The following RDH8 variants were observed in gnomAD, a reference collection of about 807,000 sequenced individuals.
The protein encoded by RDH8 is retinol dehydrogenase 8.
Under a neutral mutation model 22.3 loss-of-function variants are expected in RDH8, and 14 were observed. The ratio of observed to expected loss-of-function variants is 0.63; its 90% CI spans 0.42 to 0.98. The LOEUF (loss-of-function observed/expected upper bound fraction) is 0.98, where lower values mean the gene tolerates loss of function less well. Ranked by LOEUF, RDH8 falls within the 50% of genes least tolerant of loss-of-function variation. The pLI, the probability that RDH8 is intolerant of heterozygous loss-of-function variation, is 0.00. For synonymous variants in RDH8, 175 were observed against 171.7 expected, an observed-to-expected ratio of 1.02 and a Z score of -0.15; for missense variants, 389 against 409.8, an observed-to-expected ratio of 0.95 and a Z score of 0.44.
In RDH8 at chr19:10,021,733, G is replaced by A. The variant is rs147926405; in HGVS notation, c.920G>A (p.Arg307Gln). Residue 307 changes from arginine to glutamine, a missense_variant, in exon 6 of 6, where the codon CGG becomes CAG. Physicochemically the swap from Arg to Gln is conservative, Grantham distance 43. Transcript: ENST00000591589. ...CTGTCCTGCGGCTGCCTCCCAACGC[G>A]GGTGCGGCCAAGATGAGCAGAACAG... ...QCLSCGCLPT[R>Q]VRPR The A allele has an allele frequency of 1.9e-4, 305 of 1,613,648 alleles. 1 individual carries two copies. Among genetic ancestry groups the A allele is most frequent in the Non-Finnish European group, 2.5e-4 (295 of 1,180,022 alleles).
chr19:10,013,489 G>C lies in RDH8; in HGVS notation c.-9G>C, dbSNP rs1241666120. ...CGGCGGAGGTCACGAGTCCAGGGAG[G>C]GGATCAACATGGCCGCTGCACCCCG... On this transcript the variant is annotated 5_prime_UTR_variant, in exon 1 of 6. Coordinates refer to ENST00000591589, the MANE Select transcript of RDH8 (RefSeq NM_015725.4). 2.5e-6 allele frequency: 4 copies of C among 1,611,942 alleles called. No individual in the cohort carries two copies. Among genetic ancestry groups the C allele is most frequent in the Non-Finnish European group, 3.4e-6 (4 of 1,180,008 alleles).
At chr19:10,016,774 TTTATC>T (rs1295347824) in intron 1 of RDH8, among the ~76,000 whole-genome samples, 4 of 152,172 alleles carry the variant, frequency 2.6e-5, no homozygotes, top group Non-Finnish European at 4.4e-5. Context: ...ACCTGGTGAC[TTTATC>T]TTATTTCATG....
chr19:10,015,394 AG>A (rs1568440798), intron 1 of RDH8, among the ~76,000 whole-genome samples: 2 of 152,002 alleles, frequency 1.3e-5, no homozygotes, highest in African/African-American at 4.8e-5. Context: ...TGGAGCTTGC[AG>A]TGAGTCGAGA....
rs1196274259 is a variant in RDH8, at chr19:10,022,039, G to T, written c.*290G>T. ...CAAGGGAGGCTTCCTGGAGGAAGCG[G>T]CATTGTTATGAGCCTTGAAGGAAGA... On this transcript the variant is annotated 3_prime_UTR_variant, in exon 6 of 6. Coordinates refer to ENST00000591589, the MANE Select transcript of RDH8 (RefSeq NM_015725.4). The T allele has an allele frequency of 2.3e-6, 1 of 433,800 alleles. No homozygotes were observed. The highest frequency in any genetic ancestry group is 4.2e-6 in the Non-Finnish European group (1 of 239,110). 26.9% of individuals were successfully genotyped at this position (433,800 alleles called of 1,614,324 possible).
intron 3 of RDH8, among the ~76,000 whole-genome samples, chr19:10,020,331 AAGGAAGGAAGGAGGGAGGGAGGGAGGG>A (rs1335709345): frequency 8.9e-6 from 1 of 112,350 alleles, no homozygotes; most frequent in Non-Finnish European, 1.8e-5. Flanking sequence ...AGAGAGAGAG[AAGGAAGGAAGGAGGGAGGGAGGGAGGG>A]AGGAAGGAAG....
chr19:10,022,022 G>T lies in RDH8; in HGVS notation c.*273G>T, dbSNP rs529589448. The stretch of plus-strand genomic sequence containing the variant: ...AGCTGTCTCTGGGAAAGCAAGGGAG[G>T]CTTCCTGGAGGAAGCGGCATTGTTA... On this transcript the variant is annotated 3_prime_UTR_variant, in exon 6 of 6. Transcript: ENST00000591589. The T allele has an allele frequency of 1.7e-5, 8 of 483,354 alleles. No individual in the cohort carries two copies. In the Admixed American group the frequency reaches 1.8e-4, roughly 11 times the overall value. The allele number at this position is 483,354 out of a possible 1,614,324, so 29.9% of individuals were successfully genotyped here. A position where few individuals can be genotyped will look rare whatever the true frequency, so the allele number is the denominator to read the frequency against.
At chr19:10,016,825 T>C (rs1261886315) in intron 1 of RDH8, among the ~76,000 whole-genome samples, 1 of 152,130 alleles carries the variant, frequency 6.6e-6, no homozygotes, top group East Asian at 1.9e-4. Flanking sequence ...GCATAGTGTA[T>C]AGTAGATGCT....
At chr19:10,015,077 G>A (rs554941635) in intron 1 of RDH8, among the ~76,000 whole-genome samples, 27 of 152,334 alleles carry the variant, frequency 1.8e-4, no homozygotes, top group African/African-American at 6.3e-4. Flanking sequence ...GGGTGATTAT[G>A]GGTGCACACA....
intron 1 of RDH8, among the ~76,000 whole-genome samples, chr19:10,016,090 T>C (rs1280304508): frequency 6.6e-6 from 1 of 151,746 alleles, no homozygotes; most frequent in African/African-American, 2.4e-5. Flanking sequence ...TCTTACCTAC[T>C]AGGCTATAAA....
intron 1 of RDH8, among the ~76,000 whole-genome samples, chr19:10,013,828 C>A (rs3786701): frequency 6.6e-6 from 1 of 151,842 alleles, no homozygotes; most frequent in Non-Finnish European, 1.5e-5. Context: ...GCCCTCAGGA[C>A]GGGTGTCATG....
chr19:10,021,190 AT>A (rs2145169540), intron 4 of RDH8, 64 bp from the exon 5 acceptor site: 4 of 1,439,294 alleles, frequency 2.8e-6, no homozygotes, highest in Non-Finnish European at 3.8e-6. Flanking sequence ...AAAAAAAAAA[AT>A]GGACAAAATA....
Position 10,018,879 on chromosome 19 carries a change from C to T in RDH8, c.411C>T (p.Ile137=), listed in dbSNP as rs2233795. The change falls in exon 3 of 6, where the codon ATC becomes ATT. Residue 137 remains isoleucine (I), a synonymous_variant. Coordinates refer to ENST00000591589, the MANE Select transcript of RDH8 (RefSeq NM_015725.4). ...PGMKRRRQGH[I]VVISSVMGLQ... ...TGAAGAGGAGGCGGCAGGGCCACAT[C>T]GTGGTGATCAGCAGTGTCATGGGCC... 4,361 of 1,612,906 alleles carry T rather than the reference C, an allele frequency of 2.7e-3. 106 individuals carry two copies. In the African/African-American group the frequency reaches 0.051, roughly 19 times the overall value.
At chr19:10,020,973 A>G in intron 4 of RDH8, 171 bp downstream of exon 4, 1 of 652,784 alleles carries the variant, frequency 1.5e-6, no homozygotes, top group African/African-American at 1.8e-5. Context: ...GGCATTTGAG[A>G]CCAGCCTGGG....
rs2087658027 is a variant in RDH8 at position 10,021,429 on chromosome 19, C to T, written c.711C>T (p.Asp237=). The change falls in exon 5 of 6, where the codon GAC becomes GAT. Residue 237 remains aspartate (D), a synonymous_variant. Coordinates refer to ENST00000591589, the MANE Select transcript of RDH8 (RefSeq NM_015725.4). ...LFCSVGQNPQ[D]VVQAIVNVIS... is the part of the protein sequence containing the mutation. ...GCTCCGTGGGACAGAACCCACAGGA[C>T]GTGGTTCAGGTGAGTGAAGGGCCCA... The T allele has an allele frequency of 3.7e-6, 6 of 1,614,104 alleles. No homozygotes were observed. Among genetic ancestry groups the T allele is most frequent in the African/African-American group, 1.3e-5 (1 of 75,012 alleles).
chr19:10,019,555 T>G lies in RDH8; in HGVS notation c.442+645T>G, dbSNP rs560198676. Reference sequence around the variant, plus strand: ...GACTCATGCCTGTAATCCCAACACTTTGGGAGGCCGAGGCAGGTGGATTAC... The same window carrying G: ...GACTCATGCCTGTAATCCCAACACTGTGGGAGGCCGAGGCAGGTGGATTAC... On this transcript the variant is annotated intron_variant, in intron 3 of 5. Transcript: ENST00000591589. 9.9e-5 allele frequency among the ~76,000 whole-genome samples: 15 copies of G among 152,124 alleles called. 1 individual carries two copies. In the South Asian group the frequency reaches 3.1e-3, roughly 32 times the overall value.
At chr19:10,018,179 G>T (rs915915019) in intron 2 of RDH8, among the ~76,000 whole-genome samples, 1 of 151,994 alleles carries the variant, frequency 6.6e-6, no homozygotes, top group African/African-American at 2.4e-5. Flanking sequence ...CCTGACCTCA[G>T]GTGATCCACT....
In RDH8 at chr19:10,020,882, G is replaced by C; in HGVS notation, c.536+80G>C. Reference sequence around the variant, plus strand: ...TCGAAAGGGGGAGAGGAGAGATGAAGACAATGAAGCTGAGTGCAGTGGCTC... The same window carrying C: ...TCGAAAGGGGGAGAGGAGAGATGAACACAATGAAGCTGAGTGCAGTGGCTC... On this transcript the variant is annotated intron_variant, in intron 4 of 5. Coordinates refer to ENST00000591589, the MANE Select transcript of RDH8 (RefSeq NM_015725.4). The C allele has an allele frequency of 3.7e-6, 4 of 1,066,738 alleles. No individual in the cohort carries two copies. The Middle Eastern group carries it at 1.1e-3, about 286-fold the overall frequency. 66.1% of individuals were successfully genotyped at this position (1,066,738 alleles called of 1,614,324 possible).
intron 1 of RDH8, among the ~76,000 whole-genome samples, chr19:10,015,552 C>A (rs990343504): frequency 6.6e-6 from 1 of 151,742 alleles, no homozygotes; most frequent in African/African-American, 2.4e-5. Flanking sequence ...TTGCTTGAAC[C>A]GGGAGACAGA....
In RDH8 at chr19:10,021,832, T is replaced by C; in HGVS notation, c.*83T>C. On this transcript the variant is annotated 3_prime_UTR_variant, in exon 6 of 6. Coordinates refer to ENST00000591589, the MANE Select transcript of RDH8 (RefSeq NM_015725.4). Reference sequence around the variant, plus strand: ...CTAATTCAAAGGATGAACAGACTCTTCATTTATTCATTCTGCAAACTCCCC... The same window carrying C: ...CTAATTCAAAGGATGAACAGACTCTCCATTTATTCATTCTGCAAACTCCCC... 7.3e-7 allele frequency: 1 copy of C among 1,362,208 alleles called. No individual in the cohort carries two copies. The allele number at this position is 1,362,208 out of a possible 1,614,324, so 84.4% of individuals were successfully genotyped here. A position where few individuals can be genotyped will look rare whatever the true frequency, so the allele number is the denominator to read the frequency against.
Sources: allele counts gnomAD v4.1 joint callset (sites outside exome capture counted in the v4.1 genomes callset), GRCh38; gene constraint gnomAD v4.1.1; transcripts MANE v1.5; gene names NCBI Gene and HGNC (gene_info 2026-07-23, HGNC 2026-07-21).